Variants in DIPK2A observed in about 807,000 individuals in gnomAD.
The protein encoded by DIPK2A is divergent protein kinase domain 2A.
In DIPK2A, 27 loss-of-function variants were observed where a neutral mutation model predicts 39.0. The ratio of observed to expected loss-of-function variants is 0.69; its 90% CI spans 0.51 to 0.96. DIPK2A has a LOEUF of 0.96. DIPK2A is among the 40% of genes least tolerant of loss of function. The pLI, the probability that DIPK2A is intolerant of heterozygous loss-of-function variation, is 0.00. For missense variants in DIPK2A, 528 were observed against 571.3 expected, an observed-to-expected ratio of 0.92 and a Z score of 0.77; for synonymous variants, 298 against 240.8, an observed-to-expected ratio of 1.24 and a Z score of -2.20.
In DIPK2A at chr3:143,990,095, A is replaced by G; in HGVS notation, c.*254A>G. 2.3e-6 allele frequency: 1 copy of G among 437,156 alleles called. No homozygotes were observed. The highest frequency in any genetic ancestry group is 3.8e-5 in the Admixed American group (1 of 26,010). The allele number at this position is 437,156 out of a possible 1,614,324, so 27.1% of individuals were successfully genotyped here. On this transcript the variant is annotated 3_prime_UTR_variant, in exon 3 of 3. Coordinates refer to ENST00000315691, the MANE Select transcript of DIPK2A (RefSeq NM_173552.5). ...ATCAGCTGCTCCCCACTACCCCGGA[A>G]TGCTTGAGTGGATTAATGAATATTG...
Position 143,973,548 on chromosome 3 carries a change from G to C in DIPK2A, c.657+559G>C, listed in dbSNP as rs757205369. On this transcript the variant is annotated intron_variant, in intron 1 of 2. Transcript: ENST00000315691. ...GTTGGGGAGGATGAAGTCGGAGAAC[G>C]GGACAGTGGTCGGGGTGGGTTTAAT... The C allele has an allele frequency of 7.1e-6, 11 of 1,550,778 alleles. No individual in the cohort carries two copies. In the Admixed American group the frequency reaches 9.8e-5, roughly 14 times the overall value.
chr3:143,986,948 A>G (rs1256341825), intron 2 of DIPK2A, among the ~76,000 whole-genome samples: 1 of 152,154 alleles, frequency 6.6e-6, no homozygotes, highest in East Asian at 1.9e-4. Flanking sequence ...CACCTGGGGA[A>G]AAGTTTATGT....
intron 1 of DIPK2A, among the ~76,000 whole-genome samples, chr3:143,977,843 T>C (rs151315816): frequency 1.3e-5 from 2 of 152,194 alleles, no homozygotes; most frequent in African/African-American, 4.8e-5. Flanking sequence ...GGGTGGGGAC[T>C]TTTATTTTAG....
chr3:143,973,375 C>T (rs1394194307), intron 1 of DIPK2A: 1 of 1,547,954 alleles, frequency 6.5e-7, no homozygotes, highest in Non-Finnish European at 8.7e-7. Flanking sequence ...GTTCACGAGC[C>T]CTTGGACCTT....
intron 1 of DIPK2A, among the ~76,000 whole-genome samples, chr3:143,984,402 A>T (rs1032372556): frequency 6.6e-5 from 10 of 151,998 alleles, no homozygotes; most frequent in African/African-American, 2.2e-4. Context: ...ATTTCAAATG[A>T]GATACCTGTA....
chr3:143,972,479 C>T lies in DIPK2A; in HGVS notation c.147C>T (p.Phe49=), dbSNP rs1347407758. The T allele has an allele frequency of 1.9e-6, 3 of 1,606,742 alleles. No individual in the cohort carries two copies. Among genetic ancestry groups the T allele is most frequent in the Non-Finnish European group, 1.7e-6 (2 of 1,175,998 alleles). The part of the protein sequence containing the change: ...WQRNELTDRR[F]LQLNKCPACF... ...GCAACGAACTGACCGACCGGCGCTT[C>T]CTGCAGCTCAATAAGTGCCCGGCGT... The change falls in exon 1 of 3, where the codon TTC becomes TTT. Residue 49 remains phenylalanine, a synonymous_variant. Coordinates refer to ENST00000315691, the MANE Select transcript of DIPK2A (RefSeq NM_173552.5).
chr3:143,975,574 C>T (rs1408597712), intron 1 of DIPK2A, among the ~76,000 whole-genome samples: 1 of 152,058 alleles, frequency 6.6e-6, no homozygotes, highest in African/African-American at 2.4e-5. Flanking sequence ...TAGGAAACTA[C>T]ATTTTTAGTA....
intron 1 of DIPK2A, among the ~76,000 whole-genome samples, chr3:143,982,690 CT>C (rs897439454): frequency 6.6e-6 from 1 of 152,130 alleles, no homozygotes; most frequent in Non-Finnish European, 1.5e-5. Flanking sequence ...ACAGCATCAA[CT>C]AATGAGCAAA....
rs200201063 is a variant in DIPK2A at position 143,990,294 on chromosome 3, TCCC to T, written c.*456_*458del. 1 of 152,922 alleles carries T rather than the reference TCCC, an allele frequency of 6.5e-6. No individual in the cohort carries two copies. Among genetic ancestry groups the T allele is most frequent in the Non-Finnish European group, 1.5e-5 (1 of 68,400 alleles). The allele number at this position is 152,922 out of a possible 1,614,324, so 9.5% of individuals were successfully genotyped here. On this transcript the variant is annotated 3_prime_UTR_variant, in exon 3 of 3. Transcript: ENST00000315691. Reference sequence around the variant, plus strand: ...TTTCCTTCTGATGTGTAGGGTTTTTTCCCCCTTTTTTTTTTTAATTAAATTTTG... The same window carrying T: ...TTTCCTTCTGATGTGTAGGGTTTTTTCCTTTTTTTTTTTAATTAAATTTTG...
chr3:143,987,309 C>G (rs1386016532), intron 2 of DIPK2A, among the ~76,000 whole-genome samples: 1 of 152,052 alleles, frequency 6.6e-6, no homozygotes, highest in Non-Finnish European at 1.5e-5. Flanking sequence ...TTTTATAATT[C>G]ATTTTATGCA....
At chr3:143,973,492 G>C (rs1056320014) in intron 1 of DIPK2A, 8 of 1,551,444 alleles carry the variant, frequency 5.2e-6, no homozygotes, top group Admixed American at 3.9e-5. Context: ...CATTTACCTG[G>C]CAGTCATTTG....
chr3:143,983,144 C>G (rs1160131285), intron 1 of DIPK2A, among the ~76,000 whole-genome samples: 2 of 152,244 alleles, frequency 1.3e-5, no homozygotes, highest in African/African-American at 4.8e-5. Flanking sequence ...CTTTAACACC[C>G]CATTGTCAAT....
At chr3:143,978,689 T>G (rs557234807) in intron 1 of DIPK2A, among the ~76,000 whole-genome samples, 1,672 of 134,684 alleles carry the variant, frequency 0.012, 29 homozygotes, top group South Asian at 0.05. Context: ...TATCTATATA[T>G]ATATATATAT....
chr3:143,974,639 C>G (rs2087704496), intron 1 of DIPK2A, among the ~76,000 whole-genome samples: 1 of 152,080 alleles, frequency 6.6e-6, no homozygotes, highest in African/African-American at 2.4e-5. Context: ...AGAAATTTAG[C>G]AAGGAGCTGT....
chr3:143,981,540 C>T (rs1450258379), intron 1 of DIPK2A, among the ~76,000 whole-genome samples: 1 of 152,144 alleles, frequency 6.6e-6, no homozygotes, highest in Non-Finnish European at 1.5e-5. Flanking sequence ...GTGGAGATCA[C>T]TTAGGTTAAA....
At chr3:143,982,346 A>G (rs1407992520) in intron 1 of DIPK2A, among the ~76,000 whole-genome samples, 1 of 152,142 alleles carries the variant, frequency 6.6e-6, no homozygotes, top group Non-Finnish European at 1.5e-5. Context: ...AATGTCTGGA[A>G]TTGTTACTTA....
intron 1 of DIPK2A, chr3:143,978,552 A>G (rs1046778418): frequency 3.3e-5 from 5 of 150,966 alleles, no homozygotes; most frequent in African/African-American, 1.2e-4. Context: ...ATTATTATAC[A>G]ATCCATTTAA....
intron 2 of DIPK2A, 111 bp downstream of exon 2, chr3:143,985,957 C>T (rs187962017): frequency 1.2e-5 from 10 of 822,520 alleles, no homozygotes; most frequent in East Asian, 8.0e-5. Flanking sequence ...CAACTTTAAG[C>T]GTCTTTCTTT....
rs1028579607 is a variant in DIPK2A, at chr3:143,972,527, C to T, written c.195C>T (p.Arg65=). Residue 65 remains arginine, a synonymous_variant, in exon 1 of 3, where the codon CGC becomes CGT. Coordinates refer to ENST00000315691, the MANE Select transcript of DIPK2A (RefSeq NM_173552.5). Reference sequence around the variant, plus strand: ...CGTGCTTCGGCACGAGCTGGTGCCGCCGCTTCCTCAACGGGCAGGTGGTAT... The same window carrying T: ...CGTGCTTCGGCACGAGCTGGTGCCGTCGCTTCCTCAACGGGCAGGTGGTAT... ...CPACFGTSWC[R]RFLNGQVVFE... 8.7e-6 allele frequency: 14 copies of T among 1,611,930 alleles called. No homozygotes were observed. Among genetic ancestry groups the T allele is most frequent in the African/African-American group, 2.7e-5 (2 of 74,882 alleles).
Sources: allele counts gnomAD v4.1 joint callset (sites outside exome capture counted in the v4.1 genomes callset), GRCh38; gene constraint gnomAD v4.1.1; transcripts MANE v1.5; gene names NCBI Gene and HGNC (gene_info 2026-07-23, HGNC 2026-07-21).